ZNF254: variants seen among roughly 807,000 people sequenced by gnomAD.
ZNF254 encodes the protein zinc finger protein 254.
Under a neutral mutation model 12.4 loss-of-function variants are expected in ZNF254, and 10 were observed. That is an observed-to-expected ratio of 0.80 (90% CI 0.50 to 1.36). The LOEUF (loss-of-function observed/expected upper bound fraction) is 1.36. Among genes scored for constraint, ZNF254 ranks in the 40% most tolerant of loss-of-function variants. The pLI is 0.00. For missense variants in ZNF254, 996 were observed against 763.9 expected, an observed-to-expected ratio of 1.30 and a Z score of -3.58; for synonymous variants, 305 against 253.4, an observed-to-expected ratio of 1.20 and a Z score of -1.93.
chr19:24,103,101 C>A (rs1973129144), intron 1 of ZNF254, among the ~76,000 whole-genome samples: 1 of 152,178 alleles, frequency 6.6e-6, no homozygotes, highest in Admixed American at 6.5e-5. Flanking sequence ...TTTCCAAATG[C>A]AGACTTACTC....
At chr19:24,120,927 C>T (rs1974435820) in intron 3 of ZNF254, among the ~76,000 whole-genome samples, 1 of 151,898 alleles carries the variant, frequency 6.6e-6, no homozygotes, top group Non-Finnish European at 1.5e-5. Context: ...TTTTTATATG[C>T]AAACTCTCGC....
chr19:24,078,061 C>T (rs761521221), intron 2 of ZNF254, among the ~76,000 whole-genome samples: 5 of 152,164 alleles, frequency 3.3e-5, no homozygotes, highest in South Asian at 2.1e-4. Flanking sequence ...TGTTTTGAGA[C>T]GAAGTCTCAC....
At chr19:24,083,743 T>A (rs918251626), upstream of ZNF254, among the ~76,000 whole-genome samples, 1 of 152,170 alleles carries the variant, frequency 6.6e-6, no homozygotes, top group Admixed American at 6.5e-5. Flanking sequence ...TCAACATTAC[T>A]AATGATTAAT....
chr19:24,036,270 C>T (rs561760577), intron 1 of ZNF254, among the ~76,000 whole-genome samples: 4 of 152,076 alleles, frequency 2.6e-5, no homozygotes, highest in South Asian at 2.1e-4. Flanking sequence ...GCGGTTTCAC[C>T]GTGGTCTTGA....
intron 1 of ZNF254, among the ~76,000 whole-genome samples, chr19:24,041,507 C>A (rs540877945): frequency 6.6e-6 from 1 of 152,222 alleles, no homozygotes; most frequent in Non-Finnish European, 1.5e-5. Flanking sequence ...GCTGGCCCAC[C>A]GGCGCTACGC....
chr19:24,048,026 T>TTTTTTTTTTG (rs1970472061), intron 2 of ZNF254, among the ~76,000 whole-genome samples: 4 of 144,660 alleles, frequency 2.8e-5, no homozygotes, highest in Non-Finnish European at 4.5e-5. Context: ...TTTTTTTTTT[T>TTTTTTTTTTG]GCGTTAGTCT....
intron 1 of ZNF254, among the ~76,000 whole-genome samples, chr19:24,045,966 C>A (rs62113746): frequency 0.16 from 24,069 of 152,024 alleles, 2,076 homozygotes; most frequent in Middle Eastern, 0.23. Flanking sequence ...CCAGCCCTCC[C>A]CCTTAGTTTT....
intron 2 of ZNF254, chr19:24,066,237 T>C (rs1046379015): frequency 6.6e-6 from 1 of 152,210 alleles, no homozygotes; most frequent in Non-Finnish European, 1.5e-5. Flanking sequence ...ATATTTCTCC[T>C]GCCTGGGTCT....
chr19:24,060,363 A>T (rs1286197262), intron 2 of ZNF254, among the ~76,000 whole-genome samples: 1 of 152,012 alleles, frequency 6.6e-6, no homozygotes, highest in African/African-American at 2.4e-5. Context: ...CTAACACATC[A>T]CTAGGCCCAT....
At chr19:24,085,408 G>GTATATATA (rs377541868), upstream of ZNF254, among the ~76,000 whole-genome samples, 297 of 32,708 alleles carry the variant, frequency 9.1e-3, 37 homozygotes, top group East Asian at 0.042. Context: ...TTTGTTAAGG[G>GTATATATA]TATATATATA....
chr19:24,045,414 A>G (rs1332044652), intron 1 of ZNF254, among the ~76,000 whole-genome samples: 1 of 152,068 alleles, frequency 6.6e-6, no homozygotes, highest in East Asian at 1.9e-4. Flanking sequence ...TCACATCTGT[A>G]ATCCCAGCAC....
At chr19:24,063,781 C>CTTTTTT (rs35652625) in intron 2 of ZNF254, 1 of 140,558 alleles carries the variant, frequency 7.1e-6, no homozygotes, top group Non-Finnish European at 1.5e-5. Context: ...GGTGATGTTA[C>CTTTTTT]TTTTTTTTTT....
At chr19:24,110,923 G>A (rs1054588457) in intron 3 of ZNF254, among the ~76,000 whole-genome samples, 8 of 150,748 alleles carry the variant, frequency 5.3e-5, no homozygotes, top group Admixed American at 5.3e-4. Context: ...TAAGATGCAG[G>A]GTGAATCTAT....
intron 1 of ZNF254, among the ~76,000 whole-genome samples, chr19:24,088,226 A>C (rs1420350292): frequency 1.3e-5 from 2 of 152,046 alleles, no homozygotes; most frequent in African/African-American, 2.4e-5. Flanking sequence ...TAATTTTTAC[A>C]TTTAAGGTGG....
At chr19:24,111,751 C>G (rs772531493) in intron 3 of ZNF254, among the ~76,000 whole-genome samples, 19 of 151,692 alleles carry the variant, frequency 1.3e-4, no homozygotes, top group Non-Finnish European at 2.7e-4. Flanking sequence ...TAAATGTCTT[C>G]TTTTGAGAAG....
Position 24,087,344 on chromosome 19 carries a change from A to G in ZNF254, c.30+7A>G. 1 of 1,613,474 alleles carries G rather than the reference A, an allele frequency of 6.2e-7. No individual in the cohort carries two copies. The highest frequency in any genetic ancestry group is 8.5e-7 in the Non-Finnish European group (1 of 1,179,618). ...CCCTAGAAGCCTAGAAATGGTGAGA[A>G]TGCCAGTCCGACATCCCGAGAGAGG... On this transcript the variant is annotated splice_region_variant and intron_variant, in intron 1 of 3. Coordinates refer to ENST00000357002, the MANE Select transcript of ZNF254 (RefSeq NM_203282.4).
intron 3 of ZNF254, among the ~76,000 whole-genome samples, chr19:24,114,252 G>A (rs556902112): frequency 0.02 from 2,980 of 151,790 alleles, 83 homozygotes; most frequent in African/African-American, 0.062. Flanking sequence ...AAAGCTGGAG[G>A]CATCATGCTA....
rs143071035 is a variant in ZNF254, at chr19:24,090,304, G to A, written c.30+2967G>A. Among the ~76,000 whole-genome samples, 86 of 152,126 alleles carry A rather than the reference G, an allele frequency of 5.7e-4. 1 individual carries two copies. In the East Asian group the frequency reaches 0.015, roughly 27 times the overall value. ...ACTGGGGCATAGTTCAGAGTCTCCT[G>A]AGAGGGGGTTATTGAGCACTTTAGT... On this transcript the variant is annotated intron_variant, in intron 1 of 3. Coordinates refer to ENST00000357002, the MANE Select transcript of ZNF254 (RefSeq NM_203282.4).
At chr19:24,037,692 C>T (rs896936064) in intron 1 of ZNF254, among the ~76,000 whole-genome samples, 1 of 151,420 alleles carries the variant, frequency 6.6e-6, no homozygotes, top group African/African-American at 2.4e-5. Flanking sequence ...TCACCGCAAC[C>T]TCCACCTCCC....
Sources: gnomAD v4.1 joint callset for allele counts (sites outside exome capture counted in the v4.1 genomes callset) on GRCh38, gnomAD v4.1.1 for gene constraint, MANE v1.5 for transcripts, NCBI Gene and HGNC (gene_info 2026-07-23, HGNC 2026-07-21) for gene names.